Variants in PARP10 observed in about 807,000 individuals in gnomAD.
PARP10 encodes poly(ADP-ribose) polymerase family member 10.
A neutral mutation model predicts 82.4 loss-of-function variants in PARP10; 56 were observed. That is an observed-to-expected ratio of 0.68 (90% CI 0.55 to 0.85). The LOEUF is 0.85. Ranked by LOEUF, PARP10 falls within the 40% of genes least tolerant of loss-of-function variation. The probability of loss-of-function intolerance (pLI) is 0.00; values close to 1 mark genes in which losing one functional copy is unlikely to be tolerated. For missense variants in PARP10, 1,227 were observed against 1,379.4 expected, an observed-to-expected ratio of 0.89 and a Z score of 1.75; for synonymous variants, 576 against 601.1, an observed-to-expected ratio of 0.96 and a Z score of 0.61.
At chr8:143,991,423 G>T, upstream of PARP10, 1 of 1,411,142 alleles carries the variant, frequency 7.1e-7, no homozygotes, top group Non-Finnish European at 9.4e-7. Flanking sequence ...TACCCCCAAG[G>T]GGGCTACCCA....
upstream of PARP10, chr8:143,992,562 T>G: frequency 6.2e-7 from 1 of 1,614,202 alleles, no homozygotes. Flanking sequence ...CGGAACCGCA[T>G]CCTGGAGATC....
At chr8:143,979,164 G>A (rs567810507) in intron 9 of PARP10, among the ~76,000 whole-genome samples, 2 of 152,128 alleles carry the variant, frequency 1.3e-5, no homozygotes, top group African/African-American at 4.8e-5. Context: ...TAGTAGAGAA[G>A]GGGTTTCACT....
In PARP10 at chr8:143,985,965, C is replaced by T. The variant is rs531960824; in HGVS notation, c.192G>A (p.Arg64=). 1.3e-6 allele frequency: 2 copies of T among 1,589,040 alleles called. No individual in the cohort carries two copies. Among genetic ancestry groups the T allele is most frequent in the Admixed American group, 3.4e-5 (2 of 58,716 alleles). The change falls in exon 3 of 11, where the codon AGG becomes AGA. Residue 64 remains arginine (R), a synonymous_variant. Transcript: ENST00000313028. The part of the protein sequence containing the change: ...LTFREPADAE[R]VLAQADHELH... ...GTTCGTGATCTGCCTGGGCCAAGAC[C>T]CTCTCGGCGTCTGTGGGCAGGGGCG...
At chr8:143,992,534 A>G (rs782084820), upstream of PARP10, 10 of 1,613,996 alleles carry the variant, frequency 6.2e-6, no homozygotes, top group South Asian at 7.7e-5. Flanking sequence ...CATCTTCGCC[A>G]TTCTCTGCAT....
chr8:143,994,011 G>A (rs933171075), upstream of PARP10, among the ~76,000 whole-genome samples: 4 of 152,236 alleles, frequency 2.6e-5, no homozygotes, highest in South Asian at 6.2e-4. Flanking sequence ...GACGCCTGCT[G>A]CTCCTGCAGG....
Position 143,985,930 on chromosome 8 carries a change from G to A in PARP10, c.227C>T (p.Ala76Val). The A allele has an allele frequency of 6.3e-7, 1 of 1,580,286 alleles. No individual in the cohort carries two copies. The highest frequency in any genetic ancestry group is 8.6e-7 in the Non-Finnish European group (1 of 1,159,432). Residue 76 changes from alanine to valine, a missense_variant, in exon 3 of 11, where the codon GCC becomes GTC. Transcript: ENST00000313028. ...TGGAGCTGGCCGCAGGCTCAGCTGGGCACCATGTAGTTCGTGATCTGCCTG... is the reference window on the plus strand; with the variant it reads ...TGGAGCTGGCCGCAGGCTCAGCTGGACACCATGTAGTTCGTGATCTGCCTG... ...LAQADHELHGAQLSLRPAPPR... is the reference protein window; with the variant it reads ...LAQADHELHGVQLSLRPAPPR...
chr8:143,977,670 AG>A lies in PARP10; in HGVS notation c.2891del (p.Pro964LeufsTer82). The A allele has an allele frequency of 1.3e-6, 2 of 1,594,580 alleles. No homozygotes were observed. The highest frequency in any genetic ancestry group is 1.7e-5 in the Admixed American group (1 of 57,882). ...GQGRRGLRAP[P>X]LRGPGHVLLR... ...GGAGCACGTGGCCAGGACCCCGCAG[AG>A]GGGGCGCCCGCAGACCGCGGCGGCC... On this transcript the variant is annotated frameshift_variant, in exon 11 of 11. Transcript: ENST00000313028. LOFTEE classifies it low-confidence loss of function (END_TRUNC).
intron 9 of PARP10, among the ~76,000 whole-genome samples, chr8:143,978,287 C>A (rs549738335): frequency 1.3e-5 from 2 of 152,278 alleles, no homozygotes; most frequent in East Asian, 3.9e-4. Flanking sequence ...CTGGGGAGGC[C>A]TGACCCCTCC....
Position 143,985,682 on chromosome 8 carries a change from C to A in PARP10, c.437-34G>T, listed in dbSNP as rs782210980. On this transcript the variant is annotated intron_variant, in intron 3 of 10. Coordinates refer to ENST00000313028, the MANE Select transcript of PARP10 (RefSeq NM_032789.5). ...TATGTGCAGGTCAGCTCAGGGAATC[C>A]CCCCTAGCCAGCACCTCAACCCCAA... 2 of 1,601,474 alleles carry A rather than the reference C, an allele frequency of 1.2e-6. No homozygotes were observed. Among genetic ancestry groups the A allele is most frequent in the Non-Finnish European group, 1.7e-6 (2 of 1,172,778 alleles).
chr8:143,995,050 G>A (rs557596337), upstream of PARP10, among the ~76,000 whole-genome samples: 12 of 152,312 alleles, frequency 7.9e-5, no homozygotes, highest in South Asian at 2.5e-3. Flanking sequence ...TTGGCTGAGA[G>A]GGAGAGGCTT....
At chr8:144,002,189 T>C (rs1343165868) in intron 1 of PARP10, among the ~76,000 whole-genome samples, 2 of 152,204 alleles carry the variant, frequency 1.3e-5, no homozygotes, top group African/African-American at 4.8e-5. Flanking sequence ...AGATTTTAAA[T>C]AGAGGCATCT....
At chr8:143,991,442 C>G, upstream of PARP10, 1 of 1,466,230 alleles carries the variant, frequency 6.8e-7, no homozygotes. Context: ...CACAGGGTCC[C>G]TACCCCCAAG....
Position 143,977,929 on chromosome 8 carries a change from G to T in PARP10, c.2709C>A (p.Asn903Lys), listed in dbSNP as rs916822364. ...CACCGTTGCGGCCGCAGAAGCTGCG[G>T]TTGAAGCCGTGGGCGCAGATGTCAG... is the stretch of plus-strand genomic sequence containing the variant. ...AVPDICAHGF[N>K]RSFCGRNATV... The change falls in exon 10 of 11, where the codon AAC becomes AAA. Residue 903 changes from asparagine to lysine, a missense_variant. Coordinates refer to ENST00000313028, the MANE Select transcript of PARP10 (RefSeq NM_032789.5). 8.1e-6 allele frequency: 13 copies of T among 1,601,176 alleles called. No homozygotes were observed. Among genetic ancestry groups the T allele is most frequent in the Non-Finnish European group, 1.1e-5 (13 of 1,179,454 alleles).
At position 143,985,409 on chromosome 8, in the gene PARP10, C is replaced by A; in HGVS notation, c.673+3G>T. The A allele has an allele frequency of 6.2e-7, 1 of 1,607,390 alleles. No homozygotes were observed. The highest frequency in any genetic ancestry group is 2.2e-5 in the East Asian group (1 of 44,528). ...TCGGCTGGGTCTGCCCAGCCCCACT[C>A]ACCTTGCCACTGCTGGAAGGAGGCA... On this transcript the variant is annotated splice_donor_region_variant and intron_variant, in intron 4 of 10. Coordinates refer to ENST00000313028, the MANE Select transcript of PARP10 (RefSeq NM_032789.5).
intron 1 of PARP10, among the ~76,000 whole-genome samples, chr8:144,009,002 T>C (rs1325897494): frequency 3.9e-5 from 6 of 152,148 alleles, no homozygotes; most frequent in Admixed American, 6.5e-5. Flanking sequence ...TGAGGGCCTC[T>C]ACTGTGCACT....
chr8:143,999,274 T>C (rs1477293302), intron 1 of PARP10, among the ~76,000 whole-genome samples: 2 of 152,148 alleles, frequency 1.3e-5, no homozygotes, highest in East Asian at 3.9e-4. Flanking sequence ...CAATCTCGGC[T>C]CACTGCAACC....
chr8:143,992,671 C>A, upstream of PARP10: 1 of 1,613,922 alleles, frequency 6.2e-7, no homozygotes, highest in Non-Finnish European at 8.5e-7. Context: ...TCCCTCAACA[C>A]CACTGTGCTG....
intron 9 of PARP10, among the ~76,000 whole-genome samples, chr8:143,980,319 CAAAAAAAAAAAAAAAAAAA>C (rs564801582): frequency 0.13 from 2,166 of 16,316 alleles, 164 homozygotes; most frequent in African/African-American, 0.22. Context: ...GATTCCGTCT[CAAAAAAAAAAAAAAAAAAA>C]AAAAAAAAAA....
upstream of PARP10, chr8:143,986,592 G>A: frequency 1.6e-6 from 1 of 638,430 alleles, no homozygotes; most frequent in Non-Finnish European, 2.7e-6. Context: ...GGCCAGGCTG[G>A]ACCCCTCAGG....
Sources: gnomAD v4.1 joint callset for allele counts (sites outside exome capture counted in the v4.1 genomes callset) on GRCh38, gnomAD v4.1.1 for gene constraint, MANE v1.5 for transcripts, NCBI Gene and HGNC (gene_info 2026-07-23, HGNC 2026-07-21) for gene names.